Variants in ARL15 observed in about 807,000 individuals in gnomAD.
The protein encoded by ARL15 is ADP-ribosylation factor-like protein 15.
ARL15 carries 19 observed loss-of-function variants against 25.2 expected under a neutral mutation model. That is an observed-to-expected ratio of 0.75 (90% CI 0.53 to 1.10). The LOEUF is 1.10. Ranked by LOEUF, ARL15 falls within the 50% of genes least tolerant of loss-of-function variation. The pLI is 0.00. For missense variants in ARL15, 220 were observed against 246.0 expected (o/e 0.89, Z 0.71); for synonymous variants, 94 against 86.8 (o/e 1.08, Z -0.46).
At chr5:54,065,586 A>AGGCTGAGGC (rs1554037798) in intron 4 of ARL15, among the ~76,000 whole-genome samples, 1 of 152,150 alleles carries the variant, frequency 6.6e-6, no homozygotes. Context: ...GAATCACTTG[A>AGGCTGAGGC]ACCCAGGAGG....
At chr5:54,228,316 T>C (rs1158818857) in intron 1 of ARL15, among the ~76,000 whole-genome samples, 2 of 152,166 alleles carry the variant, frequency 1.3e-5, no homozygotes, top group Non-Finnish European at 2.9e-5. Flanking sequence ...CTGAGATACA[T>C]ACTGCTAATC....
At chr5:54,247,006 C>G (rs1757106776) in intron 1 of ARL15, among the ~76,000 whole-genome samples, 2 of 152,050 alleles carry the variant, frequency 1.3e-5, no homozygotes, top group African/African-American at 4.8e-5. Context: ...AGCTCCTTAT[C>G]AGCAAAGACT....
At chr5:54,191,929 A>C (rs1296525762) in intron 1 of ARL15, among the ~76,000 whole-genome samples, 1 of 152,136 alleles carries the variant, frequency 6.6e-6, no homozygotes, top group Admixed American at 6.6e-5. Context: ...CCCTTATAGC[A>C]GACTAAAAGG....
chr5:54,142,024 C>T (rs1270053744), intron 3 of ARL15, among the ~76,000 whole-genome samples: 3 of 152,094 alleles, frequency 2.0e-5, no homozygotes. Context: ...AAACTGTGTA[C>T]AAGATTTTGC....
chr5:54,013,233 A>G (rs886925392), intron 4 of ARL15, among the ~76,000 whole-genome samples: 5 of 152,234 alleles, frequency 3.3e-5, no homozygotes, highest in African/African-American at 1.2e-4. Context: ...GGTAAGTTTT[A>G]TCTCATATAG....
At chr5:54,275,504 C>T (rs1757904568) in intron 1 of ARL15, among the ~76,000 whole-genome samples, 1 of 152,062 alleles carries the variant, frequency 6.6e-6, no homozygotes, top group Non-Finnish European at 1.5e-5. Flanking sequence ...CTTTCCCTTT[C>T]CCACAGAATA....
intron 4 of ARL15, among the ~76,000 whole-genome samples, chr5:53,926,745 A>G (rs1482272509): frequency 1.3e-5 from 2 of 152,110 alleles, no homozygotes; most frequent in Non-Finnish European, 2.9e-5. Context: ...TCTGCCATCC[A>G]TGCTCTTCTT....
intron 2 of ARL15, among the ~76,000 whole-genome samples, chr5:54,157,251 T>C (rs1754263605): frequency 6.6e-6 from 1 of 152,180 alleles, no homozygotes; most frequent in South Asian, 2.1e-4. Context: ...TTCCAGAAAT[T>C]GCTGCACCTA....
At chr5:54,110,769 A>G (rs1369896981) in intron 4 of ARL15, among the ~76,000 whole-genome samples, 1 of 152,058 alleles carries the variant, frequency 6.6e-6, no homozygotes, top group Non-Finnish European at 1.5e-5. Context: ...TCAATCTTCT[A>G]CTGCCTCTTC....
At chr5:54,112,749 C>T (rs966915257) in intron 4 of ARL15, among the ~76,000 whole-genome samples, 1 of 152,082 alleles carries the variant, frequency 6.6e-6, no homozygotes, top group African/African-American at 2.4e-5. Context: ...CAATTTTCAG[C>T]CTAGCAGATT....
intron 4 of ARL15, among the ~76,000 whole-genome samples, chr5:54,032,248 T>G (rs2111900351): frequency 1.3e-5 from 2 of 152,198 alleles, no homozygotes; most frequent in Middle Eastern, 6.8e-3. Context: ...CTTATTTTTT[T>G]TTTGAGACAG....
At chr5:54,175,901 C>T (rs577652212) in intron 1 of ARL15, among the ~76,000 whole-genome samples, 1 of 152,232 alleles carries the variant, frequency 6.6e-6, no homozygotes, top group South Asian at 2.1e-4. Flanking sequence ...ATCCACTCAC[C>T]CCGGCTGCCC....
chr5:54,292,234 C>T (rs2112691967), intron 1 of ARL15, among the ~76,000 whole-genome samples: 1 of 152,292 alleles, frequency 6.6e-6, no homozygotes, highest in South Asian at 2.1e-4. Context: ...CCCTCCCTCC[C>T]TTGCTGTTGA....
chr5:53,967,770 G>A (rs1290124334), intron 4 of ARL15, among the ~76,000 whole-genome samples: 1 of 152,150 alleles, frequency 6.6e-6, no homozygotes, highest in African/African-American at 2.4e-5. Flanking sequence ...TCAGAAGCCA[G>A]GGGATGGAAT....
At chr5:54,137,337 T>C (rs1368578843) in intron 3 of ARL15, among the ~76,000 whole-genome samples, 2 of 152,248 alleles carry the variant, frequency 1.3e-5, no homozygotes, top group African/African-American at 4.8e-5. Context: ...AGCGATGCTA[T>C]GCAAAGAGGA....
intron 1 of ARL15, among the ~76,000 whole-genome samples, chr5:54,176,496 C>T (rs571135832): frequency 1.1e-4 from 16 of 152,330 alleles, no homozygotes; most frequent in African/African-American, 3.6e-4. Flanking sequence ...GGCCTCTAGA[C>T]TATACTGTAC....
chr5:54,309,080 T>C lies in ARL15; in HGVS notation c.48+1352A>G, dbSNP rs3797222. Among the ~76,000 whole-genome samples the C allele has an allele frequency of 7.2e-3, 1,094 of 152,354 alleles. 38 individuals carry two copies. Among genetic ancestry groups the C allele is most frequent in the Admixed American group, 0.053 (808 of 15,308 alleles). ...CTCTTAACTTACAGGGCACCTTGTA[T>C]TGTGAAGAATGTTCATAATCAGATA... On this transcript the variant is annotated intron_variant, in intron 1 of 4. Coordinates refer to ENST00000504924, the MANE Select transcript of ARL15 (RefSeq NM_019087.3).
intron 1 of ARL15, among the ~76,000 whole-genome samples, chr5:54,290,426 C>A (rs1169802666): frequency 6.6e-6 from 1 of 151,812 alleles, no homozygotes; most frequent in Non-Finnish European, 1.5e-5. Flanking sequence ...CCTGCCTCAG[C>A]CTCCTGAGTA....
At chr5:54,296,405 G>A (rs558324748) in intron 1 of ARL15, among the ~76,000 whole-genome samples, 3 of 152,302 alleles carry the variant, frequency 2.0e-5, no homozygotes, top group Non-Finnish European at 2.9e-5. Context: ...CAAGGAAACA[G>A]GCACGGAGGC....
Sources: allele counts gnomAD v4.1 joint callset (sites outside exome capture counted in the v4.1 genomes callset), GRCh38; gene constraint gnomAD v4.1.1; transcripts MANE v1.5; gene names NCBI Gene and HGNC (gene_info 2026-07-23, HGNC 2026-07-21).